AMZ1: variants seen among roughly 807,000 people sequenced by gnomAD.
AMZ1 encodes the protein archaelysin family metallopeptidase 1, also known as archaemetzincin-1.
A neutral mutation model predicts 29.9 loss-of-function variants in AMZ1; 39 were observed. The ratio of observed to expected loss-of-function variants is 1.30; its 90% CI spans 1.01 to 1.70. AMZ1 has a LOEUF of 1.70. Ranked by LOEUF, AMZ1 falls within the 40% of genes most tolerant of loss-of-function variation. The probability of loss-of-function intolerance (pLI) is 0.00; values close to 1 mark genes in which losing one functional copy is unlikely to be tolerated. For missense variants in AMZ1, 1,041 were observed against 680.6 expected, an observed-to-expected ratio of 1.53 and a Z score of -5.89; for synonymous variants, 458 against 304.0, an observed-to-expected ratio of 1.51 and a Z score of -5.27.
At chr7:2,736,114 A>G (rs1790161578) in intron 4 of AMZ1, among the ~76,000 whole-genome samples, 1 of 152,228 alleles carries the variant, frequency 6.6e-6, no homozygotes, top group Admixed American at 6.5e-5. Flanking sequence ...TTACAATCCC[A>G]TGCATTTTCA....
upstream of AMZ1, chr7:2,763,081 TTGAG>T (rs982017175): frequency 2.0e-5 from 25 of 1,249,242 alleles, no homozygotes; most frequent in Non-Finnish European, 2.5e-5. Flanking sequence ...CCTACCAGCC[TTGAG>T]TGAGAGACCA....
intron 4 of AMZ1, among the ~76,000 whole-genome samples, chr7:2,755,118 T>A (rs1028137725): frequency 1.3e-5 from 2 of 152,126 alleles, no homozygotes; most frequent in African/African-American, 4.8e-5. Context: ...GTCTGTCCAG[T>A]GACCTCGTGT....
chr7:2,756,680 T>C (rs1166678087), intron 4 of AMZ1, among the ~76,000 whole-genome samples: 2 of 152,236 alleles, frequency 1.3e-5, no homozygotes, highest in Non-Finnish European at 2.9e-5. Context: ...ATTTCTGTGC[T>C]GTCAGAATTC....
At chr7:2,692,026 G>A (rs1298131483) in intron 1 of AMZ1, among the ~76,000 whole-genome samples, 7 of 152,230 alleles carry the variant, frequency 4.6e-5, no homozygotes, top group Non-Finnish European at 4.4e-5. Flanking sequence ...CCTTGTGGGC[G>A]GCAGTGCTGG....
chr7:2,723,016 A>G (rs189852213), downstream of AMZ1, among the ~76,000 whole-genome samples: 80 of 152,296 alleles, frequency 5.3e-4, no homozygotes, highest in Admixed American at 8.5e-4. Context: ...AAACAAAATA[A>G]AAATCAAGAA....
At chr7:2,734,559 G>C (rs1276503879) in intron 4 of AMZ1, among the ~76,000 whole-genome samples, 1 of 152,208 alleles carries the variant, frequency 6.6e-6, no homozygotes, top group African/African-American at 2.4e-5. Flanking sequence ...TGAAGCTCGT[G>C]GCGTTGTAAG....
At chr7:2,750,919 C>T (rs1791004201) in intron 4 of AMZ1, among the ~76,000 whole-genome samples, 1 of 152,172 alleles carries the variant, frequency 6.6e-6, no homozygotes, top group Middle Eastern at 3.2e-3. Context: ...CAGATGGGAA[C>T]AGAAGCGAGA....
intron 4 of AMZ1, among the ~76,000 whole-genome samples, chr7:2,725,144 C>A (rs527323484): frequency 6.6e-6 from 1 of 152,362 alleles, no homozygotes; most frequent in East Asian, 1.9e-4. Context: ...GAAATTCAAA[C>A]ACTGAGAAAA....
At chr7:2,732,007 C>T (rs933797849) in intron 4 of AMZ1, among the ~76,000 whole-genome samples, 1 of 152,160 alleles carries the variant, frequency 6.6e-6, no homozygotes, top group Non-Finnish European at 1.5e-5. Flanking sequence ...GCAGGCCCAG[C>T]GCAAAACCAC....
intron 2 of AMZ1, among the ~76,000 whole-genome samples, chr7:2,701,816 C>T (rs557647447): frequency 6.6e-6 from 1 of 152,312 alleles, no homozygotes; most frequent in South Asian, 2.1e-4. Context: ...CCTTTCCTGC[C>T]CCTCAGGACC....
chr7:2,698,956 TG>T (rs1787895930), intron 1 of AMZ1, among the ~76,000 whole-genome samples: 1 of 152,102 alleles, frequency 6.6e-6, no homozygotes, highest in Non-Finnish European at 1.5e-5. Context: ...CGCAGACAAG[TG>T]GGTTTTGCGT....
intron 3 of AMZ1, among the ~76,000 whole-genome samples, chr7:2,707,196 C>G (rs1325790506): frequency 6.6e-6 from 1 of 151,960 alleles, no homozygotes; most frequent in African/African-American, 2.4e-5. Flanking sequence ...TGGCTTGAAC[C>G]TGGGAGGCGG....
chr7:2,762,527 T>C (rs1030031105), upstream of AMZ1: 2 of 1,148,748 alleles, frequency 1.7e-6, no homozygotes, highest in African/African-American at 3.2e-5. Flanking sequence ...ACAAAAGCAG[T>C]TCCACCACGC....
At chr7:2,696,464 A>T (rs188716984) in intron 1 of AMZ1, among the ~76,000 whole-genome samples, 1 of 148,688 alleles carries the variant, frequency 6.7e-6, no homozygotes, top group South Asian at 2.3e-4. Context: ...TCACCATGTT[A>T]GCCAGGATGG....
chr7:2,689,345 G>A (rs934814067), intron 1 of AMZ1, among the ~76,000 whole-genome samples: 2 of 151,450 alleles, frequency 1.3e-5, no homozygotes, highest in Admixed American at 6.6e-5. Flanking sequence ...GGCGGCCCTT[G>A]TTGCTTAGAG....
chr7:2,757,914 T>A (rs1791379438), intron 4 of AMZ1, among the ~76,000 whole-genome samples: 1 of 152,222 alleles, frequency 6.6e-6, no homozygotes, highest in Admixed American at 6.5e-5. Context: ...CTGACTCCTG[T>A]TCGCTGTCCC....
chr7:2,743,990 C>A (rs946976055), intron 4 of AMZ1, among the ~76,000 whole-genome samples: 6 of 152,150 alleles, frequency 3.9e-5, no homozygotes, highest in Non-Finnish European at 8.8e-5. Context: ...CCACCATTGC[C>A]GAGACTTGAT....
chr7:2,732,507 C>G (rs576816978), intron 4 of AMZ1, among the ~76,000 whole-genome samples: 1 of 152,290 alleles, frequency 6.6e-6, no homozygotes, highest in East Asian at 1.9e-4. Flanking sequence ...GATCGTGCCA[C>G]TGTACTCCAG....
At chr7:2,702,206 G>A (rs1186229078) in intron 2 of AMZ1, 1 of 108,978 alleles carries the variant, frequency 9.2e-6, no homozygotes, top group African/African-American at 3.7e-5. Flanking sequence ...CTCCAGCCTC[G>A]ACCTGCACCC....
Sources: gnomAD v4.1 joint callset for allele counts (sites outside exome capture counted in the v4.1 genomes callset) on GRCh38, gnomAD v4.1.1 for gene constraint, MANE v1.5 for transcripts, NCBI Gene and HGNC (gene_info 2026-07-23, HGNC 2026-07-21) for gene names.